The following PCDHGB3 variants were observed in gnomAD, a reference collection of about 807,000 sequenced individuals.
PCDHGB3 encodes protocadherin gamma subfamily B, 3.
A neutral mutation model predicts 59.2 loss-of-function variants in PCDHGB3; 40 were observed. The observed-to-expected ratio is 0.68, with a 90% confidence interval of 0.52 to 0.88. The LOEUF (loss-of-function observed/expected upper bound fraction) is 0.88, where lower values mean the gene tolerates loss of function less well. Among genes scored for constraint, PCDHGB3 ranks in the 40% least tolerant of loss-of-function variants. PCDHGB3 has a pLI of 0.00. For missense variants in PCDHGB3, 1,309 were observed against 1,187.9 expected, an observed-to-expected ratio of 1.10 and a Z score of -1.50; for synonymous variants, 581 against 503.6, an observed-to-expected ratio of 1.15 and a Z score of -2.06.
chr5:141,413,176 A>G lies in PCDHGB3; in HGVS notation c.2415+40367A>G, dbSNP rs758582296. 252 of 1,601,774 alleles carry G rather than the reference A, an allele frequency of 1.6e-4. 1 individual carries two copies. Among genetic ancestry groups the G allele is most frequent in the Non-Finnish European group, 2.1e-4 (243 of 1,173,006 alleles). Reference sequence around the variant, plus strand: ...TGCAGAATTCTGTAACCAGACTACAATGGCCGCTCAAAGGAATCGCTCAAA... The same window carrying G: ...TGCAGAATTCTGTAACCAGACTACAGTGGCCGCTCAAAGGAATCGCTCAAA... On this transcript the variant is annotated intron_variant, in intron 1 of 3. Coordinates refer to ENST00000576222, the MANE Select transcript of PCDHGB3 (RefSeq NM_018924.5).
rs188283892 is a variant in PCDHGB3, at chr5:141,394,450, T to C, written c.2415+21641T>C. ...GGGGACCCGCCCCTCAGCAGCAACA[T>C]GTCACTGAGCCTGTTCGTGCTGGAC... On this transcript the variant is annotated intron_variant, in intron 1 of 3. Coordinates refer to ENST00000576222, the MANE Select transcript of PCDHGB3 (RefSeq NM_018924.5). 12 of 1,614,228 alleles carry C rather than the reference T, an allele frequency of 7.4e-6. No individual in the cohort carries two copies. In the South Asian group the frequency reaches 1.3e-4, roughly 18 times the overall value.
chr5:141,385,282 G>A lies in PCDHGB3; in HGVS notation c.2415+12473G>A, dbSNP rs769141713. ...GAAAAATGATTCTTTGCTAACATCC[G>A]TAGATTTTCAGGAATGTAAAGAAAA... On this transcript the variant is annotated intron_variant, in intron 1 of 3. Transcript: ENST00000576222. 9.3e-6 allele frequency: 15 copies of A among 1,613,370 alleles called. No homozygotes were observed. The Admixed American group carries it at 1.8e-4, about 20-fold the overall frequency.
intron 1 of PCDHGB3, among the ~76,000 whole-genome samples, chr5:141,464,151 G>A (rs2099076865): frequency 6.6e-6 from 1 of 151,818 alleles, no homozygotes; most frequent in Non-Finnish European, 1.5e-5. Flanking sequence ...TGTAGTCCCA[G>A]CTACTTGGAA....
intron 1 of PCDHGB3, among the ~76,000 whole-genome samples, chr5:141,437,929 G>A (rs1479763331): frequency 6.6e-6 from 1 of 151,960 alleles, no homozygotes; most frequent in East Asian, 1.9e-4. Context: ...GTAGAGATGG[G>A]GTTTCACCAT....
chr5:141,376,835 C>T (rs537669685), intron 1 of PCDHGB3: 5 of 249,278 alleles, frequency 2.0e-5, no homozygotes, highest in Non-Finnish European at 3.8e-5. Flanking sequence ...TACAGGCGCC[C>T]GCCACCGCGC....
chr5:141,441,836 C>T (rs1026890754), intron 1 of PCDHGB3: 2 of 354,006 alleles, frequency 5.6e-6, no homozygotes, highest in Non-Finnish European at 1.1e-5. Flanking sequence ...AATGGCTTCG[C>T]GCTCTTGGAT....
chr5:141,385,265 A>G lies in PCDHGB3; in HGVS notation c.2415+12456A>G. Reference sequence around the variant, plus strand: ...AGCCAGGAGAGCTGTGAGAAAAATGATTCTTTGCTAACATCCGTAGATTTT... The same window carrying G: ...AGCCAGGAGAGCTGTGAGAAAAATGGTTCTTTGCTAACATCCGTAGATTTT... On this transcript the variant is annotated intron_variant, in intron 1 of 3. Transcript: ENST00000576222. 1.2e-6 allele frequency: 2 copies of G among 1,613,710 alleles called. No individual in the cohort carries two copies. Among genetic ancestry groups the G allele is most frequent in the Non-Finnish European group, 1.7e-6 (2 of 1,179,576 alleles).
At chr5:141,423,090 G>T in intron 1 of PCDHGB3, 5 of 1,614,022 alleles carry the variant, frequency 3.1e-6, no homozygotes, top group South Asian at 2.2e-5. Context: ...TCGCGGTGGG[G>T]GAGCACACGG....
intron 1 of PCDHGB3, chr5:141,478,551 G>A (rs759604162): frequency 6.2e-6 from 10 of 1,603,054 alleles, no homozygotes; most frequent in South Asian, 3.3e-5. Context: ...GGACAGGTAA[G>A]GTTTAGCAAG....
chr5:141,406,477 A>G (rs1233914824), intron 1 of PCDHGB3, among the ~76,000 whole-genome samples: 1 of 152,166 alleles, frequency 6.6e-6, no homozygotes, highest in Non-Finnish European at 1.5e-5. Flanking sequence ...TTGAGGTTAT[A>G]TTTTTCAGAT....
intron 2 of PCDHGB3, among the ~76,000 whole-genome samples, chr5:141,500,399 C>T (rs966328306): frequency 1.3e-5 from 2 of 151,806 alleles, no homozygotes; most frequent in South Asian, 2.1e-4. Context: ...TTAGTAGAGA[C>T]GGGGTTTCAC....
rs774649069 is a variant in PCDHGB3 at position 141,477,417 on chromosome 5, C to G, written c.2416-17390C>G. The G allele has an allele frequency of 1.2e-6, 2 of 1,614,172 alleles. No individual in the cohort carries two copies. The highest frequency in any genetic ancestry group is 2.7e-5 in the African/African-American group (2 of 75,032). On this transcript the variant is annotated intron_variant, in intron 1 of 3. Coordinates refer to ENST00000576222, the MANE Select transcript of PCDHGB3 (RefSeq NM_018924.5). The surrounding 1 kb of genome is among the most constrained non-coding windows in gnomAD (Gnocchi z 4.9). Reference sequence around the variant, plus strand: ...AGCATCACCGCCCGAGACGCCGGAACCCCTTCCCTCTCAGCCCTTACAATA... The same window carrying G: ...AGCATCACCGCCCGAGACGCCGGAAGCCCTTCCCTCTCAGCCCTTACAATA...
intron 1 of PCDHGB3, among the ~76,000 whole-genome samples, chr5:141,479,977 A>G (rs145953890): frequency 0.015 from 2,300 of 152,320 alleles, 30 homozygotes; most frequent in Non-Finnish European, 0.024. Context: ...AGGTTCTACC[A>G]TTTACCAACT....
At chr5:141,461,817 C>A (rs2099023873) in intron 1 of PCDHGB3, among the ~76,000 whole-genome samples, 1 of 150,844 alleles carries the variant, frequency 6.6e-6, no homozygotes, top group South Asian at 2.1e-4. Flanking sequence ...CCACACCCAG[C>A]TAATTTTTTT....
intron 1 of PCDHGB3, among the ~76,000 whole-genome samples, chr5:141,449,586 C>T (rs2098645911): frequency 1.6e-5 from 2 of 125,482 alleles, no homozygotes; most frequent in East Asian, 2.3e-4. Context: ...AAGACTCTGT[C>T]TCAAAAAAAA....
chr5:141,464,517 G>A lies in PCDHGB3; in HGVS notation c.2416-30290G>A, dbSNP rs1487703873. 2.0e-5 allele frequency among the ~76,000 whole-genome samples: 3 copies of A among 151,862 alleles called. No individual in the cohort carries two copies. In the South Asian group the frequency reaches 6.2e-4, roughly 32 times the overall value. On this transcript the variant is annotated intron_variant, in intron 1 of 3. Transcript: ENST00000576222. ...GTGATTGCTGCATCATAAGGTAAAG[G>A]CATATGTAGTTTTGTTAAATATAGC...
At chr5:141,455,558 G>A (rs1261373189) in intron 1 of PCDHGB3, among the ~76,000 whole-genome samples, 1 of 152,142 alleles carries the variant, frequency 6.6e-6, no homozygotes, top group East Asian at 1.9e-4. Flanking sequence ...CCGAGAAAAA[G>A]CTGGCCCTCC....
At chr5:141,410,636 T>G (rs1050547360) in intron 1 of PCDHGB3, 1 of 1,599,982 alleles carries the variant, frequency 6.3e-7, no homozygotes, top group Admixed American at 1.7e-5. Context: ...TTTCTCTTTT[T>G]TGTGTGTGAT....
Position 141,511,178 on chromosome 5 carries a change from G to A in PCDHGB3, c.*5G>A. The A allele has an allele frequency of 6.2e-7, 1 of 1,614,090 alleles. No homozygotes were observed. Among genetic ancestry groups the A allele is most frequent in the South Asian group, 1.1e-5 (1 of 91,074 alleles). On this transcript the variant is annotated 3_prime_UTR_variant, in exon 4 of 4. Coordinates refer to ENST00000576222, the MANE Select transcript of PCDHGB3 (RefSeq NM_018924.5). ...GGCAAGAAGGAGAAGAAGTAACATG[G>A]AGGCCAGGCCAAGAGCCACAGGGCG...
Sources: gnomAD v4.1 joint callset for allele counts (sites outside exome capture counted in the v4.1 genomes callset) on GRCh38, gnomAD v4.1.1 for gene constraint, Gnocchi (gnomAD v3.1) non-coding constraint, MANE v1.5 for transcripts, NCBI Gene and HGNC (gene_info 2026-07-23, HGNC 2026-07-21) for gene names.